Variants in PPP2R2C observed in about 807,000 individuals in gnomAD.
PPP2R2C encodes the protein protein phosphatase 2, regulatory subunit B, gamma.
In PPP2R2C, 10 loss-of-function variants were observed where a neutral mutation model predicts 45.3. The ratio of observed to expected loss-of-function variants is 0.22; its 90% CI spans 0.14 to 0.37. PPP2R2C has a LOEUF of 0.37. Ranked by LOEUF, PPP2R2C falls within the 10% of genes least tolerant of loss-of-function variation. The pLI is 1.00. For missense variants in PPP2R2C, 308 were observed against 619.7 expected, an observed-to-expected ratio of 0.50 and a Z score of 5.34; for synonymous variants, 257 against 245.4, an observed-to-expected ratio of 1.05 and a Z score of -0.44.
At chr4:6,554,935 GAAAGAAAGAAAGAA>G (rs1231952223) in intron 1 of PPP2R2C, among the ~76,000 whole-genome samples, 1 of 83,598 alleles carries the variant, frequency 1.2e-5, no homozygotes, top group Non-Finnish European at 2.5e-5. Context: ...AGGAAGGAAA[GAAAGAAAGAAAGAA>G]AGAAAGAAAG....
intron 2 of PPP2R2C, among the ~76,000 whole-genome samples, chr4:6,508,137 G>A (rs750909616): frequency 1.3e-5 from 2 of 152,168 alleles, no homozygotes; most frequent in African/African-American, 4.8e-5. Context: ...GTTAGAGTAG[G>A]TAGTTAGGCA....
intron 2 of PPP2R2C, among the ~76,000 whole-genome samples, chr4:6,489,186 T>C (rs1722619588): frequency 6.6e-6 from 1 of 152,230 alleles, no homozygotes. Context: ...GCTGGAGCAG[T>C]CCTTGGCCTC....
chr4:6,355,538 GC>G (rs1713089687), intron 5 of PPP2R2C, among the ~76,000 whole-genome samples: 1 of 134,336 alleles, frequency 7.4e-6, no homozygotes, highest in African/African-American at 2.9e-5. Flanking sequence ...AAAAAAGAAA[GC>G]CACAGAAAGC....
chr4:6,493,189 A>C (rs920316134), intron 2 of PPP2R2C, among the ~76,000 whole-genome samples: 3 of 152,178 alleles, frequency 2.0e-5, no homozygotes, highest in East Asian at 1.9e-4. Flanking sequence ...CTGCAATTGC[A>C]ACCAGCACGC....
At chr4:6,503,253 C>T (rs1007122039) in intron 2 of PPP2R2C, among the ~76,000 whole-genome samples, 4 of 152,198 alleles carry the variant, frequency 2.6e-5, no homozygotes, top group African/African-American at 9.6e-5. Context: ...CCAGCCACAC[C>T]TCAGGGCCTT....
intron 1 of PPP2R2C, among the ~76,000 whole-genome samples, chr4:6,414,573 T>C (rs958514419): frequency 2.6e-5 from 4 of 151,960 alleles, no homozygotes; most frequent in African/African-American, 9.7e-5. Context: ...AGCCAGTATC[T>C]GGATCTCATT....
intron 1 of PPP2R2C, among the ~76,000 whole-genome samples, chr4:6,543,189 G>A (rs1446555270): frequency 2.0e-5 from 3 of 152,312 alleles, no homozygotes; most frequent in Non-Finnish European, 4.4e-5. Context: ...ATGCACCACC[G>A]CAGCCCCTGA....
chr4:6,383,686 T>G, intron 1 of PPP2R2C: 1 of 588,604 alleles, frequency 1.7e-6, no homozygotes. Flanking sequence ...CCCAACCTAA[T>G]CTGATGTTTT....
intron 1 of PPP2R2C, among the ~76,000 whole-genome samples, chr4:6,548,199 C>T (rs1041536306): frequency 2.6e-5 from 4 of 151,998 alleles, no homozygotes; most frequent in African/African-American, 9.7e-5. Context: ...GCCGGGGCAA[C>T]AGAGTGAGAC....
chr4:6,455,771 A>T (rs1326050096), intron 1 of PPP2R2C, among the ~76,000 whole-genome samples: 1 of 151,844 alleles, frequency 6.6e-6, no homozygotes, highest in Non-Finnish European at 1.5e-5. Context: ...CGCTCCACCA[A>T]CCCTGAACAC....
In PPP2R2C at chr4:6,472,336, C is replaced by A. The variant is rs1721946628; in HGVS notation, c.-107G>T. The A allele has an allele frequency of 7.5e-7, 1 of 1,325,178 alleles. No individual in the cohort carries two copies. 82.1% of individuals were successfully genotyped at this position (1,325,178 alleles called of 1,614,324 possible). A position where few individuals can be genotyped will look rare whatever the true frequency, so the allele number is the denominator to read the frequency against. On this transcript the variant is annotated 5_prime_UTR_variant, in exon 1 of 9. Coordinates refer to ENST00000382599, the MANE Select transcript of PPP2R2C (RefSeq NM_020416.4). ...CCATGCCGCCGCAGCCTAGCAGGGG[C>A]GCGGGCCGCCGGGGCCCCGAAGGGA... is the stretch of plus-strand genomic sequence containing the variant.
chr4:6,366,118 A>G (rs1714281027), intron 5 of PPP2R2C, among the ~76,000 whole-genome samples: 1 of 152,226 alleles, frequency 6.6e-6, no homozygotes, highest in Admixed American at 6.5e-5. Flanking sequence ...GCTGTTGTTT[A>G]AGAGACAAAA....
chr4:6,342,079 G>A (rs938603897), intron 6 of PPP2R2C, among the ~76,000 whole-genome samples: 1 of 86,432 alleles, frequency 1.2e-5, no homozygotes, highest in African/African-American at 4.1e-5. Flanking sequence ...GATCTGCCAC[G>A]ATACACACAC....
At chr4:6,415,057 C>T (rs185080806) in intron 1 of PPP2R2C, among the ~76,000 whole-genome samples, 112 of 152,352 alleles carry the variant, frequency 7.4e-4, no homozygotes, top group African/African-American at 2.5e-3. Context: ...GACACAGGGC[C>T]ATGGAATGCC....
At chr4:6,468,750 T>C (rs914842851) in intron 1 of PPP2R2C, among the ~76,000 whole-genome samples, 4 of 152,024 alleles carry the variant, frequency 2.6e-5, no homozygotes, top group Non-Finnish European at 5.9e-5. Context: ...GTAAGTTCAG[T>C]CTAGTCTGGA....
At chr4:6,534,031 TGTC>T (rs1243590450) in intron 2 of PPP2R2C, among the ~76,000 whole-genome samples, 3 of 82,730 alleles carry the variant, frequency 3.6e-5, no homozygotes, top group Non-Finnish European at 9.4e-5. Flanking sequence ...AACACACACA[TGTC>T]AACAAGCACA....
At chr4:6,550,413 C>A (rs1263680723) in intron 1 of PPP2R2C, among the ~76,000 whole-genome samples, 1 of 152,176 alleles carries the variant, frequency 6.6e-6, no homozygotes, top group African/African-American at 2.4e-5. Context: ...GGGAAGGCTA[C>A]GCCCAGCTGC....
intron 2 of PPP2R2C, among the ~76,000 whole-genome samples, chr4:6,521,049 TC>T (rs1399164700): frequency 6.6e-6 from 1 of 152,016 alleles, no homozygotes; most frequent in African/African-American, 2.4e-5. Context: ...ATTAGCAGAG[TC>T]TGAAATGCAC....
intron 2 of PPP2R2C, among the ~76,000 whole-genome samples, chr4:6,489,064 C>T (rs62286083): frequency 0.11 from 16,648 of 152,184 alleles, 1,223 homozygotes; most frequent in Non-Finnish European, 0.17. Context: ...CTGTGAAATC[C>T]AGCCACTTTG....
Sources: allele counts gnomAD v4.1 joint callset (sites outside exome capture counted in the v4.1 genomes callset), GRCh38; gene constraint gnomAD v4.1.1; transcripts MANE v1.5; gene names NCBI Gene and HGNC (gene_info 2026-07-23, HGNC 2026-07-21).